PPARGC1A: variants seen among roughly 807,000 people sequenced by gnomAD.
PPARGC1A encodes the protein PPARG coactivator 1 alpha.
PPARGC1A carries 25 observed loss-of-function variants against 88.7 expected under a neutral mutation model. The ratio of observed to expected loss-of-function variants is 0.28; its 90% CI spans 0.21 to 0.39. The LOEUF (loss-of-function observed/expected upper bound fraction) is 0.39, where lower values mean the gene tolerates loss of function less well. Among genes scored for constraint, PPARGC1A ranks in the 10% least tolerant of loss-of-function variants. The probability of loss-of-function intolerance (pLI) is 1.00; values close to 1 mark genes in which losing one functional copy is unlikely to be tolerated. For missense variants in PPARGC1A, 880 were observed against 968.7 expected (o/e 0.91, Z 1.22); for synonymous variants, 363 against 355.6 (o/e 1.02, Z -0.24).
chr4:24,251,524 C>T, the PPARGC1A span, among the ~76,000 whole-genome samples: 4 of 152,178 alleles, frequency 2.6e-5, no homozygotes, highest in African/African-American at 4.8e-5. Flanking sequence ...ACACTGTTAT[C>T]CCACTCTTCC....
the PPARGC1A span, among the ~76,000 whole-genome samples, chr4:24,125,376 C>A: frequency 1.3e-5 from 2 of 152,098 alleles, no homozygotes; most frequent in Non-Finnish European, 2.9e-5. Flanking sequence ...AGGTGGTCTC[C>A]ATGCAACTAT....
At chr4:24,106,468 G>A in the PPARGC1A span, among the ~76,000 whole-genome samples, 9 of 152,174 alleles carry the variant, frequency 5.9e-5, no homozygotes, top group African/African-American at 2.2e-4. Flanking sequence ...AGCAACTTGA[G>A]CCTCAACAGA....
At chr4:23,911,958 A>C in the PPARGC1A span, among the ~76,000 whole-genome samples, 1 of 152,210 alleles carries the variant, frequency 6.6e-6, no homozygotes, top group Non-Finnish European at 1.5e-5. Context: ...AGCTTCTCTG[A>C]AACTGCATGT....
the PPARGC1A span, among the ~76,000 whole-genome samples, chr4:24,208,982 T>G: frequency 6.6e-6 from 1 of 152,148 alleles, no homozygotes; most frequent in South Asian, 2.1e-4. Flanking sequence ...TGAATACAGA[T>G]ATACCTAATT....
chr4:24,451,551 G>GT, the PPARGC1A span, among the ~76,000 whole-genome samples: 3 of 152,008 alleles, frequency 2.0e-5, no homozygotes, highest in African/African-American at 4.8e-5. Flanking sequence ...GATGGTTTGG[G>GT]TTTTTTTGGG....
chr4:24,424,111 ATGTTT>A, the PPARGC1A span, among the ~76,000 whole-genome samples: 2 of 152,082 alleles, frequency 1.3e-5, no homozygotes, highest in African/African-American at 4.8e-5. Flanking sequence ...ATTCTAAAAA[ATGTTT>A]TGTAGAGTAC....
chr4:24,171,926 T>C, the PPARGC1A span, among the ~76,000 whole-genome samples: 2 of 152,182 alleles, frequency 1.3e-5, no homozygotes, highest in East Asian at 3.8e-4. Flanking sequence ...CATGTAAAGG[T>C]CACTTCTTAT....
chr4:24,277,522 T>C, the PPARGC1A span, among the ~76,000 whole-genome samples: 1 of 34,480 alleles, frequency 2.9e-5, no homozygotes, highest in South Asian at 3.2e-3. Context: ...CCATTTTAGC[T>C]GCTCTCTGAA....
chr4:24,283,294 G>A, the PPARGC1A span, among the ~76,000 whole-genome samples: 1 of 152,116 alleles, frequency 6.6e-6, no homozygotes, highest in Non-Finnish European at 1.5e-5. Flanking sequence ...TACTTGGATG[G>A]TAGTCCTCAC....
the PPARGC1A span, among the ~76,000 whole-genome samples, chr4:24,458,846 A>G: frequency 1.3e-5 from 2 of 152,326 alleles, no homozygotes; most frequent in East Asian, 3.9e-4. Context: ...GTCAGTTATG[A>G]TTTATTGGAC....
the PPARGC1A span, among the ~76,000 whole-genome samples, chr4:24,197,592 G>A: frequency 1.3e-5 from 2 of 152,280 alleles, no homozygotes; most frequent in Admixed American, 6.5e-5. Context: ...AAGAGGAAGG[G>A]AAATCATTTA....
the PPARGC1A span, among the ~76,000 whole-genome samples, chr4:24,388,393 A>G: frequency 6.6e-6 from 1 of 152,216 alleles, no homozygotes; most frequent in South Asian, 2.1e-4. Flanking sequence ...TAGTTGAACC[A>G]TTGTGGAAGA....
the PPARGC1A span, among the ~76,000 whole-genome samples, chr4:23,996,331 G>A: frequency 1.3e-5 from 2 of 152,172 alleles, no homozygotes; most frequent in African/African-American, 2.4e-5. Flanking sequence ...GGAAAATGAA[G>A]ATCTTTACAC....
the PPARGC1A span, among the ~76,000 whole-genome samples, chr4:24,388,583 T>C: frequency 5.3e-5 from 8 of 152,132 alleles, no homozygotes; most frequent in Non-Finnish European, 1.2e-4. Context: ...ATGCCCATCA[T>C]TGATAGACTG....
the PPARGC1A span, among the ~76,000 whole-genome samples, chr4:23,947,601 G>A: frequency 2.0e-5 from 3 of 151,720 alleles, no homozygotes; most frequent in Non-Finnish European, 2.9e-5. Flanking sequence ...TGTTGACAAC[G>A]CTTTACTGCA....
the PPARGC1A span, among the ~76,000 whole-genome samples, chr4:24,094,556 A>T: frequency 6.6e-6 from 1 of 152,224 alleles, no homozygotes; most frequent in Non-Finnish European, 1.5e-5. Context: ...GCATTCAACA[A>T]TGCAGTGTGC....
intron 10 of PPARGC1A, among the ~76,000 whole-genome samples, chr4:23,806,369 G>A (rs909816136): frequency 6.6e-6 from 1 of 152,134 alleles, no homozygotes; most frequent in Non-Finnish European, 1.5e-5. Flanking sequence ...TTAGACAGAT[G>A]AATAGATTTC....
the PPARGC1A span, among the ~76,000 whole-genome samples, chr4:24,470,118 T>TG: frequency 6.6e-6 from 1 of 151,896 alleles, no homozygotes; most frequent in East Asian, 1.9e-4. This position sits in a 1 kb window ranked among gnomAD's most constrained non-coding sequence, Gnocchi z 5.8. Context: ...CCTGGAAACT[T>TG]GTCCTAACGC....
chr4:24,275,725 G>A, the PPARGC1A span, among the ~76,000 whole-genome samples: 4 of 152,140 alleles, frequency 2.6e-5, no homozygotes, highest in African/African-American at 9.7e-5. Context: ...TAAAACTGTT[G>A]GCCAAGAGAT....
Sources: allele counts gnomAD v4.1 joint callset (sites outside exome capture counted in the v4.1 genomes callset), GRCh38; gene constraint gnomAD v4.1.1; non-coding constraint Gnocchi (gnomAD v3.1); transcripts MANE v1.5; gene names NCBI Gene and HGNC (gene_info 2026-07-23, HGNC 2026-07-21).